MICAL3: variants seen among roughly 807,000 people sequenced by gnomAD.
MICAL3 encodes [F-actin]-monooxygenase MICAL3.
MICAL3 carries 62 observed loss-of-function variants against 207.4 expected under a neutral mutation model. That is an observed-to-expected ratio of 0.30 (90% CI 0.24 to 0.37). The LOEUF (loss-of-function observed/expected upper bound fraction) is 0.37, where lower values mean the gene tolerates loss of function less well. MICAL3 is among the 10% of genes least tolerant of loss of function. The pLI is 1.00. For synonymous variants in MICAL3, 1,077 were observed against 1,069.3 expected (o/e 1.01, Z -0.14); for missense variants, 2,368 against 2,635.6 (o/e 0.90, Z 2.22).
intron 1 of MICAL3, among the ~76,000 whole-genome samples, chr22:17,922,212 C>T (rs949344272): frequency 5.9e-5 from 9 of 152,038 alleles, no homozygotes; most frequent in African/African-American, 1.9e-4. Flanking sequence ...GTCTGCCTAC[C>T]CGTTTGTGTT....
In MICAL3 at chr22:17,873,712, T is replaced by C. The variant is rs548938393; in HGVS notation, c.2242-1689A>G. On this transcript the variant is annotated intron_variant, in intron 16 of 31. Transcript: ENST00000441493. ...AACTCAAGCCTCTTTCTGGCAACACTGAAACCACAGGAGAAACTTCCACGT... is the reference window on the plus strand; with the variant it reads ...AACTCAAGCCTCTTTCTGGCAACACCGAAACCACAGGAGAAACTTCCACGT... Among the ~76,000 whole-genome samples the C allele has an allele frequency of 1.1e-3, 174 of 152,362 alleles. 1 individual carries two copies. The highest frequency in any genetic ancestry group is 4.1e-3 in the African/African-American group (170 of 41,606).
In MICAL3 at chr22:17,790,803, G is replaced by A. The variant is rs547316266; in HGVS notation, c.5938C>T (p.Arg1980Trp). The A allele has an allele frequency of 6.2e-6, 10 of 1,613,470 alleles. No homozygotes were observed. In the Admixed American group the frequency reaches 6.7e-5, roughly 11 times the overall value. The change falls in exon 32 of 32, where the codon CGG becomes TGG. Residue 1980 changes from arginine (R) to tryptophan (W), a missense_variant. Physicochemically the swap from Arg to Trp is moderately radical, Grantham distance 101 (BLOSUM62 -3). Around this residue, in one of 4 missense-constraint regions of MICAL3, gnomAD observed 1,770 missense variants for 1,863.2 expected, o/e 0.95. Coordinates refer to ENST00000441493, the MANE Select transcript of MICAL3 (RefSeq NM_015241.3). ...LVALLEEQRL[R>W]EREEDKDLEA... is the part of the protein sequence containing the mutation. Reference sequence around the variant, plus strand: ...AGGTCCTTGTCCTCCTCTCTCTCCCGGAGCCGCTGCTCCTCCAGCAGCGCC... The same window carrying A: ...AGGTCCTTGTCCTCCTCTCTCTCCCAGAGCCGCTGCTCCTCCAGCAGCGCC...
intron 1 of MICAL3, among the ~76,000 whole-genome samples, chr22:17,999,382 A>T (rs2146483546): frequency 6.6e-6 from 1 of 152,354 alleles, no homozygotes; most frequent in Middle Eastern, 3.4e-3. Flanking sequence ...AAATGTCTGG[A>T]GAGCTGGAAG....
Position 17,868,956 on chromosome 22 carries a change from T to G in MICAL3, c.2428+2881A>C, listed in dbSNP as rs143741154. ...AGAACCACACAGGCGCACCGGTGCC[T>G]GGGCAGCTGCCTTCTATCAAAAGAG... On this transcript the variant is annotated intron_variant, in intron 17 of 31. Coordinates refer to ENST00000441493, the MANE Select transcript of MICAL3 (RefSeq NM_015241.3). Among the ~76,000 whole-genome samples, 1,301 of 152,274 alleles carry G rather than the reference T, an allele frequency of 8.5e-3. 16 individuals are homozygous for G. The highest frequency in any genetic ancestry group is 0.029 in the African/African-American group (1,210 of 41,548).
chr22:17,885,769 C>T, intron 16 of MICAL3, 109 bp downstream of exon 16: 2 of 1,161,614 alleles, frequency 1.7e-6, no homozygotes, highest in Non-Finnish European at 2.5e-6. Context: ...AGATGCCAGC[C>T]CACGAACGCT....
At chr22:17,962,157 G>A (rs1387730099) in intron 1 of MICAL3, among the ~76,000 whole-genome samples, 1 of 152,160 alleles carries the variant, frequency 6.6e-6, no homozygotes, top group Non-Finnish European at 1.5e-5. Flanking sequence ...ACGACTGCTG[G>A]GAGAGGAAAG....
chr22:17,810,648 G>T, intron 28 of MICAL3, 55 bp downstream of exon 28: 1 of 1,395,608 alleles, frequency 7.2e-7, no homozygotes, highest in Non-Finnish European at 1.0e-6. Flanking sequence ...TGGATAGGGA[G>T]ATGCTGCCCA....
At chr22:17,846,256 C>G (rs1403422666) in intron 19 of MICAL3, among the ~76,000 whole-genome samples, 3 of 152,224 alleles carry the variant, frequency 2.0e-5, no homozygotes, top group Non-Finnish European at 4.4e-5. Flanking sequence ...CGGAAGCACA[C>G]TGGCAGGCCA....
At chr22:17,854,171 C>T (rs1399123560) in intron 19 of MICAL3, among the ~76,000 whole-genome samples, 1 of 152,088 alleles carries the variant, frequency 6.6e-6, no homozygotes, top group Non-Finnish European at 1.5e-5. Flanking sequence ...GTGATTTTTC[C>T]CCTGGGTCAC....
chr22:18,018,793 TAC>T lies in MICAL3; in HGVS notation c.-75+5486_-75+5487del, dbSNP rs371539980. 5.0e-4 allele frequency among the ~76,000 whole-genome samples: 75 copies of T among 150,418 alleles called. 1 individual carries two copies. The highest frequency in any genetic ancestry group is 1.1e-3 in the African/African-American group (47 of 41,118). On this transcript the variant is annotated intron_variant, in intron 1 of 31. Coordinates refer to ENST00000441493, the MANE Select transcript of MICAL3 (RefSeq NM_015241.3). ...CTACACACACACACACATACACACA[TAC>T]ACACACACACACAGTATACAAAACT... is the stretch of plus-strand genomic sequence containing the variant.
chr22:17,873,993 GC>G (rs1249504811), intron 16 of MICAL3, among the ~76,000 whole-genome samples: 1 of 152,196 alleles, frequency 6.6e-6, no homozygotes, highest in Non-Finnish European at 1.5e-5. Flanking sequence ...GATGCCAACA[GC>G]CCCCTTAGGA....
At position 17,914,405 on chromosome 22, in the gene MICAL3, G is replaced by A. The variant is rs893529927; in HGVS notation, c.-74-7519C>T. ...CCTATGGCATCTTCACCACCATCCCGCGAGGCAGGATGTATGACCTCCATT... is the reference window on the plus strand; with the variant it reads ...CCTATGGCATCTTCACCACCATCCCACGAGGCAGGATGTATGACCTCCATT... On this transcript the variant is annotated intron_variant, in intron 1 of 31. Coordinates refer to ENST00000441493, the MANE Select transcript of MICAL3 (RefSeq NM_015241.3). 1.4e-4 allele frequency among the ~76,000 whole-genome samples: 21 copies of A among 147,272 alleles called. 1 individual carries two copies. Among genetic ancestry groups the A allele is most frequent in the African/African-American group, 5.0e-4 (20 of 40,246 alleles).
chr22:17,965,594 C>T (rs1046763878), intron 1 of MICAL3, among the ~76,000 whole-genome samples: 52 of 152,104 alleles, frequency 3.4e-4, no homozygotes, highest in African/African-American at 1.1e-3. Flanking sequence ...TTTAATACAG[C>T]GATCAGCCTC....
At chr22:17,822,444 G>A (rs1921750531) in intron 23 of MICAL3, among the ~76,000 whole-genome samples, 1 of 152,210 alleles carries the variant, frequency 6.6e-6, no homozygotes, top group Non-Finnish European at 1.5e-5. Context: ...CACACATGAT[G>A]GGCTGCGACA....
chr22:18,023,764 G>T (rs1204925493), intron 1 of MICAL3, among the ~76,000 whole-genome samples: 1 of 152,212 alleles, frequency 6.6e-6, no homozygotes, highest in Non-Finnish European at 1.5e-5. Flanking sequence ...CGCCGCGGGC[G>T]GGTGCAGGGC....
rs1455609940 is a variant in MICAL3 at position 17,822,156 on chromosome 22, C to T, written c.3322G>A (p.Asp1108Asn). The change falls in exon 24 of 32, where the codon GAC (aspartate) becomes AAC (asparagine). Residue 1108 changes from aspartate to asparagine, a missense_variant. Physicochemically the swap from Asp to Asn is conservative, Grantham distance 23. Transcript: ENST00000441493. ...TCTCTGTCAGCATCCGACGGGCTGT[C>T]AGACCAGTGCTGATCTGGCAGAGGG... ...AELDDDQHWS[D>N]SPSDADRELR... 8.7e-6 allele frequency: 14 copies of T among 1,613,580 alleles called. No individual in the cohort carries two copies. The highest frequency in any genetic ancestry group is 1.7e-5 in the Admixed American group (1 of 59,996).
At chr22:17,972,093 T>G (rs144996430) in intron 1 of MICAL3, among the ~76,000 whole-genome samples, 1 of 152,200 alleles carries the variant, frequency 6.6e-6, no homozygotes, top group African/African-American at 2.4e-5. Context: ...AGGCAAACAC[T>G]AAGAACACAT....
intron 29 of MICAL3, among the ~76,000 whole-genome samples, chr22:17,797,275 GAT>G: frequency 6.6e-6 from 1 of 152,188 alleles, no homozygotes; most frequent in Non-Finnish European, 1.5e-5. Flanking sequence ...GTGAGGGTGA[GAT>G]GACTGCTGAA....
intron 1 of MICAL3, among the ~76,000 whole-genome samples, chr22:17,942,033 C>T (rs1188341879): frequency 1.3e-5 from 2 of 152,234 alleles, no homozygotes; most frequent in African/African-American, 2.4e-5. Flanking sequence ...CTTAAGACAA[C>T]AACAAGGAGA....
Sources: gnomAD v4.1 joint callset for allele counts (sites outside exome capture counted in the v4.1 genomes callset) on GRCh38, gnomAD v4.1.1 for gene constraint, gnomAD v4.1.1 regional missense constraint, MANE v1.5 for transcripts, NCBI Gene and HGNC (gene_info 2026-07-23, HGNC 2026-07-21) for gene names.